SLC22A16: variants seen among roughly 807,000 people sequenced by gnomAD.
SLC22A16 encodes solute carrier family 22 member 16, also known as WUGSC:RG331P03.1.
A neutral mutation model predicts 52.9 loss-of-function variants in SLC22A16; 53 were observed. The observed-to-expected ratio is 1.00, with a 90% CI of 0.80 to 1.26. SLC22A16 has a LOEUF of 1.26. SLC22A16 is among the 50% of genes most tolerant of loss of function. The pLI is 0.00. For missense variants in SLC22A16, 726 were observed against 704.0 expected (o/e 1.03, Z -0.35); for synonymous variants, 291 against 268.8 (o/e 1.08, Z -0.81).
In SLC22A16 at chr6:110,435,878, T is replaced by G. The variant is rs781111710; in HGVS notation, c.1395A>C (p.Thr465=). ...GAAFGLIYLY[T]AELYPTIVRS... Reference sequence around the variant, plus strand: ...TTACAATGGTTGGATACAGCTCAGCTGTATAAAGATAAATGAGGCCAAATG... The same window carrying G: ...TTACAATGGTTGGATACAGCTCAGCGGTATAAAGATAAATGAGGCCAAATG... Residue 465 remains threonine, a synonymous_variant, in exon 6 of 8, where the codon ACA becomes ACC. Transcript: ENST00000368919. 1 of 1,613,350 alleles carries G rather than the reference T, an allele frequency of 6.2e-7. No homozygotes were observed. The highest frequency in any genetic ancestry group is 8.5e-7 in the Non-Finnish European group (1 of 1,179,574).
Position 110,456,307 on chromosome 6 carries a change from T to C in SLC22A16, c.533+231A>G, listed in dbSNP as rs371557719. 373 of 522,440 alleles carry C rather than the reference T, an allele frequency of 7.1e-4. 2 individuals are homozygous for C. The highest frequency in any genetic ancestry group is 6.8e-3 in the African/African-American group (359 of 52,492). The allele number at this position is 522,440 out of a possible 1,614,324, so 32.4% of individuals were successfully genotyped here. A position where few individuals can be genotyped will look rare whatever the true frequency, so the allele number is the denominator to read the frequency against. ...ACACAGGTAAGTTAGGCAATTTGCC[T>C]GGGGTCCACAGTTAATAAGTGGTAG... On this transcript the variant is annotated intron_variant, in intron 2 of 7. Transcript: ENST00000368919.
intron 1 of SLC22A16, among the ~76,000 whole-genome samples, chr6:110,466,188 G>A (rs1776053244): frequency 6.6e-6 from 1 of 152,096 alleles, no homozygotes; most frequent in Admixed American, 6.6e-5. Context: ...AAAAGTCCTA[G>A]AAGAAAACTT....
Position 110,476,612 on chromosome 6 carries a change from C to A in SLC22A16, c.-38G>T. 1 of 1,516,270 alleles carries A rather than the reference C, an allele frequency of 6.6e-7. No homozygotes were observed. The highest frequency in any genetic ancestry group is 2.7e-5 in the East Asian group (1 of 37,470). 93.9% of individuals were successfully genotyped at this position (1,516,270 alleles called of 1,614,324 possible). A position where few individuals can be genotyped will look rare whatever the true frequency, so the allele number is the denominator to read the frequency against. The stretch of plus-strand genomic sequence containing the variant: ...CACTGGGCGCCGAGTTAGCCGAGCT[C>A]CGGGGACTGCGGGTAGCGCGCCCCG... On this transcript the variant is annotated 5_prime_UTR_variant, in exon 1 of 8. Transcript: ENST00000368919.
chr6:110,442,482 G>A lies in SLC22A16; in HGVS notation c.945C>T (p.Asn315=). The A allele has an allele frequency of 6.2e-7, 1 of 1,614,216 alleles. No homozygotes were observed. The highest frequency in any genetic ancestry group is 8.5e-7 in the Non-Finnish European group (1 of 1,180,036). Residue 315 remains asparagine (N), a synonymous_variant, in exon 4 of 8, where the codon AAC becomes AAT. Coordinates refer to ENST00000368919, the MANE Select transcript of SLC22A16 (RefSeq NM_033125.4). ...CTGACAGTTTACAGGAGCTTGCCCT[G>A]TTCCACTTGGCCATGATGTCAACTA... The part of the protein sequence containing the change: ...QKIVDIMAKW[N]RASSCKLSEL...
chr6:110,460,769 C>A (rs572557172), intron 1 of SLC22A16, among the ~76,000 whole-genome samples: 1 of 152,080 alleles, frequency 6.6e-6, no homozygotes. Flanking sequence ...AGAAACATAC[C>A]CCACAACCAC....
chr6:110,476,089 G>A (rs1776459860), intron 1 of SLC22A16: 1 of 442,048 alleles, frequency 2.3e-6, no homozygotes, highest in Non-Finnish European at 4.5e-6. Flanking sequence ...ACAGAGGGAG[G>A]CCCTACGGAG....
At chr6:110,427,345 C>T (rs1466079044) in intron 7 of SLC22A16, among the ~76,000 whole-genome samples, 1 of 152,020 alleles carries the variant, frequency 6.6e-6, no homozygotes, top group Non-Finnish European at 1.5e-5. Context: ...TGGGTACTTG[C>T]CACCTGCTAC....
Position 110,424,991 on chromosome 6 carries a change from G to A in SLC22A16, c.1616C>T (p.Ala539Val), listed in dbSNP as rs1774195378. The part of the protein sequence containing the change: ...GKRLATTWEE[A>V]AKLESENESK... Reference sequence around the variant, plus strand: ...TTCATTCTCTGACTCCAGTTTTGCAGCCTCCTCCCAAGTAGTTGCTAGCCG... The same window carrying A: ...TTCATTCTCTGACTCCAGTTTTGCAACCTCCTCCCAAGTAGTTGCTAGCCG... Residue 539 changes from alanine to valine, a missense_variant, in exon 8 of 8, where the codon GCT becomes GTT. Transcript: ENST00000368919. The A allele has an allele frequency of 3.1e-6, 5 of 1,614,130 alleles. No homozygotes were observed. Among genetic ancestry groups the A allele is most frequent in the Non-Finnish European group, 4.2e-6 (5 of 1,180,048 alleles).
At chr6:110,436,056 T>C in intron 5 of SLC22A16, 95 bp from the exon 6 acceptor site, 2 of 789,232 alleles carry the variant, frequency 2.5e-6, no homozygotes, top group Admixed American at 2.4e-5. Flanking sequence ...TTCTAATTCC[T>C]TCAGTATTTT....
chr6:110,424,935 T>C lies in SLC22A16; in HGVS notation c.1672A>G (p.Asn558Asp), dbSNP rs766526018. 1.9e-6 allele frequency: 3 copies of C among 1,614,146 alleles called. No homozygotes were observed. Among genetic ancestry groups the C allele is most frequent in the Non-Finnish European group, 2.5e-6 (3 of 1,180,030 alleles). ...SKSSKLLLTT[N>D]NSGLEKTEAI... ...TCCGTTTTTTCCAGCCCACTATTAT[T>C]AGTTGTGAGAAGTAATTTGCTTGAC... Residue 558 changes from asparagine (N) to aspartate (D), a missense_variant, in exon 8 of 8, where the codon AAT (asparagine) becomes GAT (aspartate). By Grantham distance (23) the Asn-to-Asp change is conservative. Transcript: ENST00000368919.
intron 1 of SLC22A16, among the ~76,000 whole-genome samples, chr6:110,474,725 A>T (rs1287912883): frequency 1.3e-5 from 2 of 152,250 alleles, no homozygotes; most frequent in Non-Finnish European, 2.9e-5. Context: ...AGGGAGCCCC[A>T]TGCAGTGGAT....
chr6:110,470,106 TAC>T (rs2114294365), intron 1 of SLC22A16, among the ~76,000 whole-genome samples: 1 of 152,276 alleles, frequency 6.6e-6, no homozygotes, highest in African/African-American at 2.4e-5. Context: ...TCCAGATCAT[TAC>T]AGTGTGGCTT....
intron 1 of SLC22A16, 30 bp downstream of exon 1, chr6:110,476,492 G>T (rs749287612): frequency 5.6e-6 from 3 of 533,462 alleles, no homozygotes; most frequent in Non-Finnish European, 5.8e-6. Flanking sequence ...GCCGCCTCCC[G>T]CGTGGCGCCG....
chr6:110,436,022 T>A (rs1243290594), intron 5 of SLC22A16, 61 bp from the exon 6 acceptor site: 5 of 1,083,200 alleles, frequency 4.6e-6, no homozygotes, highest in Non-Finnish European at 7.0e-6. Flanking sequence ...AAATAGAAAA[T>A]CTTTAAAATC....
intron 2 of SLC22A16, among the ~76,000 whole-genome samples, chr6:110,454,279 T>C (rs1235891240): frequency 1.3e-5 from 2 of 152,008 alleles, no homozygotes; most frequent in South Asian, 2.1e-4. Context: ...GCAAGAAGTA[T>C]AGAAGACTAC....
At chr6:110,473,367 C>G (rs1245917433) in intron 1 of SLC22A16, among the ~76,000 whole-genome samples, 1 of 152,030 alleles carries the variant, frequency 6.6e-6, no homozygotes, top group Non-Finnish European at 1.5e-5. Flanking sequence ...ACACAGGTGC[C>G]TAAATTTCAG....
chr6:110,431,716 AC>A (rs1308187796), intron 6 of SLC22A16, among the ~76,000 whole-genome samples: 19 of 152,342 alleles, frequency 1.2e-4, no homozygotes, highest in African/African-American at 3.8e-4. Context: ...CCGTAAAAAA[AC>A]GTAAGCTTGA....
At chr6:110,440,746 C>T (rs1774933223) in intron 4 of SLC22A16, among the ~76,000 whole-genome samples, 1 of 152,204 alleles carries the variant, frequency 6.6e-6, no homozygotes, top group South Asian at 2.1e-4. Flanking sequence ...CACTGCACTC[C>T]AACCTGGGCA....
intron 2 of SLC22A16, among the ~76,000 whole-genome samples, chr6:110,450,611 CAAAA>C (rs35567505): frequency 1.0e-4 from 5 of 48,734 alleles, no homozygotes; most frequent in African/African-American, 2.1e-4. Context: ...GACATCTTCT[CAAAA>C]AAAAAAAAAA....
Sources: gnomAD v4.1 joint callset for allele counts (sites outside exome capture counted in the v4.1 genomes callset) on GRCh38, gnomAD v4.1.1 for gene constraint, MANE v1.5 for transcripts, NCBI Gene and HGNC (gene_info 2026-07-23, HGNC 2026-07-21) for gene names.